Variants in POU2F1 observed in about 807,000 individuals in gnomAD.
POU2F1 encodes the protein POU class 2 homeobox 1, also known as POU domain, class 2, transcription factor 1.
Under a neutral mutation model 84.9 loss-of-function variants are expected in POU2F1, and 16 were observed. That is an observed-to-expected ratio of 0.19 (90% CI 0.13 to 0.29). The LOEUF (loss-of-function observed/expected upper bound fraction) is 0.29. Ranked by LOEUF, POU2F1 falls within the 10% of genes least tolerant of loss-of-function variation. The probability of loss-of-function intolerance (pLI) is 1.00; values close to 1 mark genes in which losing one functional copy is unlikely to be tolerated. For synonymous variants in POU2F1, 368 were observed against 368.3 expected (o/e 1.00, Z 0.01); for missense variants, 738 against 942.6 (o/e 0.78, Z 2.84).
In POU2F1 at chr1:167,299,694, A is replaced by AGTTTTTTTTTTTT. The variant is rs71301014; in HGVS notation, c.62-32775_62-32763dup. Among the ~76,000 whole-genome samples the AGTTTTTTTTTTTT allele has an allele frequency of 9.0e-3, 1,162 of 128,606 alleles. 7 individuals are homozygous for AGTTTTTTTTTTTT. The highest frequency in any genetic ancestry group is 0.011 in the Non-Finnish European group (736 of 65,768). 84.4% of individuals were successfully genotyped at this position (128,606 alleles called of 152,430 possible). A position where few individuals can be genotyped will look rare whatever the true frequency, so the allele number is the denominator to read the frequency against. ...CAACAGACTCAATTCAGGAGACCAG[A>AGTTTTTTTTTTTT]GTTTTTTTTTTTTCATTTTATTTTG... is the stretch of plus-strand genomic sequence containing the variant. On this transcript the variant is annotated intron_variant, in intron 1 of 15. Transcript: ENST00000367866.
Position 167,255,923 on chromosome 1 carries a change from A to G in POU2F1, c.61+34965A>G, listed in dbSNP as rs117786966. ...GAACAGGGAGGCATTTACCTTGGAT[A>G]AGAGAAGGTGTAGAGAACATCTGTG... On this transcript the variant is annotated intron_variant, in intron 1 of 15. Transcript: ENST00000367866. 6.1e-3 allele frequency among the ~76,000 whole-genome samples: 926 copies of G among 152,314 alleles called. 18 individuals carry two copies. The highest frequency in any genetic ancestry group is 0.042 in the Admixed American group (635 of 15,300).
chr1:167,423,068 C>T lies in POU2F1; in HGVS notation c.*7258C>T, dbSNP rs1338445809. 6.6e-6 allele frequency: 1 copy of T among 152,130 alleles called. No homozygotes were observed. The highest frequency in any genetic ancestry group is 1.9e-4 in the East Asian group (1 of 5,192). The allele number at this position is 152,130 out of a possible 1,614,324, so 9.4% of individuals were successfully genotyped here. ...TTTCATTATTTCCCTTTATCTAATA[C>T]TTTTAAATAGAACCAACACAGCCTA... On this transcript the variant is annotated 3_prime_UTR_variant, in exon 16 of 16. Transcript: ENST00000367866.
At chr1:167,350,049 A>G (rs1571346245) in intron 2 of POU2F1, among the ~76,000 whole-genome samples, 1 of 152,324 alleles carries the variant, frequency 6.6e-6, no homozygotes, top group East Asian at 1.9e-4. Flanking sequence ...GGAGTAGATT[A>G]AAAATAAAGG....
intron 1 of POU2F1, among the ~76,000 whole-genome samples, chr1:167,222,186 G>GT (rs1420382117): frequency 3.3e-5 from 5 of 152,142 alleles, no homozygotes; most frequent in Non-Finnish European, 7.4e-5. Context: ...CAAGTTGATC[G>GT]TATTCTCGAT....
In POU2F1 at chr1:167,415,973, A is replaced by C. The variant is rs200971601; in HGVS notation, c.*163A>C. 2.7e-6 allele frequency: 2 copies of C among 746,970 alleles called. No individual in the cohort carries two copies. The highest frequency in any genetic ancestry group is 4.5e-6 in the Non-Finnish European group (2 of 449,372). The allele number at this position is 746,970 out of a possible 1,614,324, so 46.3% of individuals were successfully genotyped here. On this transcript the variant is annotated 3_prime_UTR_variant, in exon 16 of 16. Transcript: ENST00000367866. ...AAAAAAAAACCACACACACCCATAC[A>C]CACATACCAGAAAAAGAAAGAAAGG...
intron 2 of POU2F1, among the ~76,000 whole-genome samples, chr1:167,346,990 G>C (rs1264555804): frequency 6.6e-6 from 1 of 152,170 alleles, no homozygotes; most frequent in Admixed American, 6.5e-5. Context: ...CAGTAGCTAA[G>C]TTTTCCTAAA....
At chr1:167,354,930 C>G (rs1420064703) in intron 2 of POU2F1, among the ~76,000 whole-genome samples, 2 of 151,910 alleles carry the variant, frequency 1.3e-5, no homozygotes, top group African/African-American at 4.8e-5. Context: ...GAATACTAAT[C>G]CTTTGTTGTT....
chr1:167,356,325 T>C (rs1329948961), intron 2 of POU2F1, among the ~76,000 whole-genome samples: 1 of 151,954 alleles, frequency 6.6e-6, no homozygotes, highest in Admixed American at 6.6e-5. Flanking sequence ...AAAGTAGATT[T>C]TGTGTGCTGC....
rs1188287569 is a variant in POU2F1 at position 167,417,149 on chromosome 1, C to T, written c.*1339C>T. The T allele has an allele frequency of 6.6e-6, 1 of 152,156 alleles. No homozygotes were observed. The highest frequency in any genetic ancestry group is 1.5e-5 in the Non-Finnish European group (1 of 68,038). The allele number at this position is 152,156 out of a possible 1,614,324, so 9.4% of individuals were successfully genotyped here. On this transcript the variant is annotated 3_prime_UTR_variant, in exon 16 of 16. Transcript: ENST00000367866. ...GTTACCACCTTTTCCTCTAGAGAGCCACAGACTTCCTTTCCACTGGATGGT... is the reference window on the plus strand; with the variant it reads ...GTTACCACCTTTTCCTCTAGAGAGCTACAGACTTCCTTTCCACTGGATGGT...
intron 1 of POU2F1, chr1:167,241,344 T>TTTAAAAG (rs1649887977): frequency 6.6e-6 from 1 of 152,160 alleles, no homozygotes; most frequent in Non-Finnish European, 1.5e-5. Flanking sequence ...TAGTGCCGGG[T>TTTAAAAG]GAAATAACTA....
chr1:167,342,815 T>C (rs1055365419), intron 2 of POU2F1, among the ~76,000 whole-genome samples: 1 of 152,218 alleles, frequency 6.6e-6, no homozygotes, highest in Non-Finnish European at 1.5e-5. Context: ...ACATATTTTA[T>C]TGTGTAGACT....
At chr1:167,372,118 C>T (rs1417750356) in intron 5 of POU2F1, 82 bp downstream of exon 5, 3 of 1,507,300 alleles carry the variant, frequency 2.0e-6, no homozygotes, top group East Asian at 2.3e-5. Context: ...GAATTGTTCA[C>T]CATAGCTGGT....
At chr1:167,290,962 CT>C (rs1387892410) in intron 1 of POU2F1, among the ~76,000 whole-genome samples, 1 of 150,392 alleles carries the variant, frequency 6.6e-6, no homozygotes, top group Non-Finnish European at 1.5e-5. Flanking sequence ...AGGAGGATTG[CT>C]TGAACCCAGG....
At chr1:167,276,874 T>C (rs553185574) in intron 1 of POU2F1, among the ~76,000 whole-genome samples, 1 of 152,116 alleles carries the variant, frequency 6.6e-6, no homozygotes, top group Admixed American at 6.5e-5. Flanking sequence ...AAGGAAGCCA[T>C]ATTGAAGTCA....
rs191108808 is a variant in POU2F1, at chr1:167,254,617, A to G, written c.61+33659A>G. Among the ~76,000 whole-genome samples the G allele has an allele frequency of 6.6e-5, 10 of 152,354 alleles. No individual in the cohort carries two copies. The East Asian group carries it at 1.9e-3, about 29-fold the overall frequency. On this transcript the variant is annotated intron_variant, in intron 1 of 15. Coordinates refer to ENST00000367866, the MANE Select transcript of POU2F1 (RefSeq NM_002697.4). Reference sequence around the variant, plus strand: ...ACTATTCAGAGTCTGACTCATAACCATAGAGTATCTTGATGCTATAATCAG... The same window carrying G: ...ACTATTCAGAGTCTGACTCATAACCGTAGAGTATCTTGATGCTATAATCAG...
At chr1:167,347,395 CAG>C (rs773312569) in intron 2 of POU2F1, among the ~76,000 whole-genome samples, 116 of 152,198 alleles carry the variant, frequency 7.6e-4, no homozygotes, top group Non-Finnish European at 1.5e-3. Context: ...GCACTTCTAA[CAG>C]GGGTGCATTT....
At chr1:167,261,316 T>G (rs186321340) in intron 1 of POU2F1, among the ~76,000 whole-genome samples, 9 of 152,312 alleles carry the variant, frequency 5.9e-5, no homozygotes, top group African/African-American at 1.2e-4. Flanking sequence ...CAGAAAATGA[T>G]TCTTTATTTT....
chr1:167,343,862 A>G (rs569400394), intron 2 of POU2F1, among the ~76,000 whole-genome samples: 108 of 151,896 alleles, frequency 7.1e-4, no homozygotes, highest in Non-Finnish European at 1.3e-3. Flanking sequence ...TGGTGCTTGC[A>G]GGTGAAGATG....
At chr1:167,337,708 A>G (rs951918489) in intron 2 of POU2F1, among the ~76,000 whole-genome samples, 1 of 151,722 alleles carries the variant, frequency 6.6e-6, no homozygotes, top group East Asian at 1.9e-4. Flanking sequence ...AAAAAAAAAG[A>G]TAAGACAAAA....
Sources: gnomAD v4.1 joint callset for allele counts (sites outside exome capture counted in the v4.1 genomes callset) on GRCh38, gnomAD v4.1.1 for gene constraint, MANE v1.5 for transcripts, NCBI Gene and HGNC (gene_info 2026-07-23, HGNC 2026-07-21) for gene names.